CCDC102B: variants seen among roughly 807,000 people sequenced by gnomAD.
The protein encoded by CCDC102B is coiled-coil domain-containing protein 102B.
Under a neutral mutation model 57.4 loss-of-function variants are expected in CCDC102B, and 75 were observed. That is an observed-to-expected ratio of 1.31 (90% CI 1.08 to 1.58). The LOEUF is 1.58. Ranked by LOEUF, CCDC102B falls within the 40% of genes most tolerant of loss-of-function variation. The probability of loss-of-function intolerance (pLI) is 0.00; values close to 1 mark genes in which losing one functional copy is unlikely to be tolerated. For synonymous variants in CCDC102B, 206 were observed against 201.9 expected, an observed-to-expected ratio of 1.02 and a Z score of -0.17; for missense variants, 636 against 582.6, an observed-to-expected ratio of 1.09 and a Z score of -0.94.
intron 6 of CCDC102B, among the ~76,000 whole-genome samples, chr18:68,955,804 A>T (rs2049828910): frequency 6.6e-6 from 1 of 151,910 alleles, no homozygotes; most frequent in Non-Finnish European, 1.5e-5. Context: ...AGATGTATTA[A>T]ATTATGGGGT....
At chr18:69,034,825 A>T (rs1599878003) in intron 7 of CCDC102B, among the ~76,000 whole-genome samples, 1 of 151,772 alleles carries the variant, frequency 6.6e-6, no homozygotes, top group Non-Finnish European at 1.5e-5. Flanking sequence ...TTACATATAC[A>T]TGGGAAATAA....
chr18:68,955,590 A>G (rs2145207685), intron 6 of CCDC102B, among the ~76,000 whole-genome samples: 1 of 152,162 alleles, frequency 6.6e-6, no homozygotes, highest in Non-Finnish European at 1.5e-5. Flanking sequence ...TTCTGTTTAC[A>G]GAATTCAGAA....
chr18:68,794,923 T>A (rs2035578903), upstream of CCDC102B, among the ~76,000 whole-genome samples: 1 of 151,724 alleles, frequency 6.6e-6, no homozygotes. Context: ...GGTTGTGGCC[T>A]GTGTGGGGCA....
At chr18:68,883,305 G>A (rs1051004515) in intron 5 of CCDC102B, among the ~76,000 whole-genome samples, 1 of 152,046 alleles carries the variant, frequency 6.6e-6, no homozygotes, top group African/African-American at 2.4e-5. Flanking sequence ...CAGCTGCTCA[G>A]GAGGCTGAGG....
chr18:68,948,577 A>T lies in CCDC102B; in HGVS notation c.1263+51149A>T, dbSNP rs1599736131. On this transcript the variant is annotated intron_variant, in intron 6 of 7. Coordinates refer to ENST00000360242, the MANE Select transcript of CCDC102B (RefSeq NM_024781.3). ...CACTAAAAGCCTCAAATGGGTCCAC[A>T]TATTGCCTGGAAGACCAATGATGGA... is the stretch of plus-strand genomic sequence containing the variant. Among the ~76,000 whole-genome samples the T allele has an allele frequency of 1.3e-5, 2 of 152,088 alleles. 1 individual carries two copies. The highest frequency in any genetic ancestry group is 4.1e-4 in the South Asian group (2 of 4,830).
intron 2 of CCDC102B, among the ~76,000 whole-genome samples, chr18:68,748,314 C>A (rs1336408157): frequency 6.6e-6 from 1 of 150,960 alleles, no homozygotes; most frequent in Non-Finnish European, 1.5e-5. Context: ...CCTTGTCTGA[C>A]TGCCTGAACT....
chr18:68,753,926 A>T (rs1409023762), intron 2 of CCDC102B: 1 of 152,048 alleles, frequency 6.6e-6, no homozygotes, highest in African/African-American at 2.4e-5. Context: ...ACATGGAGTG[A>T]CTTTTTTTCA....
intron 6 of CCDC102B, among the ~76,000 whole-genome samples, chr18:68,942,485 C>T (rs2049406146): frequency 1.3e-5 from 2 of 151,880 alleles, no homozygotes; most frequent in South Asian, 4.1e-4. Context: ...GGGAATGTGG[C>T]AGGACAATAG....
Position 68,790,064 on chromosome 18 carries a change from T to C in CCDC102B, c.-66-33302T>C, listed in dbSNP as rs541178187. 1.5e-3 allele frequency among the ~76,000 whole-genome samples: 217 copies of C among 148,116 alleles called. 14 individuals are homozygous for C. Among genetic ancestry groups the C allele is most frequent in the African/African-American group, 4.6e-3 (176 of 38,502 alleles). ...CCTTCTAACAGACAGGACCCTCAGC[T>C]GCAGGTCTGTTGGAATACCCTGCCA... On this transcript the variant is annotated intron_variant, in intron 2 of 3. Coordinates refer to the CCDC102B transcript ENST00000578970.
chr18:68,851,690 A>G (rs529341663), intron 4 of CCDC102B, among the ~76,000 whole-genome samples: 1 of 152,322 alleles, frequency 6.6e-6, no homozygotes, highest in South Asian at 2.1e-4. Context: ...GTTAAGCAAC[A>G]TCATTTTAAA....
intron 1 of CCDC102B, among the ~76,000 whole-genome samples, chr18:68,814,036 T>C (rs2169697): frequency 0.67 from 101,263 of 151,858 alleles, 34,141 homozygotes; most frequent in East Asian, 1. Flanking sequence ...GAAAGGATAG[T>C]GGTGCCTTTT....
At chr18:68,759,272 A>G (rs2034170524) in intron 2 of CCDC102B, among the ~76,000 whole-genome samples, 1 of 152,128 alleles carries the variant, frequency 6.6e-6, no homozygotes, top group East Asian at 1.9e-4. Context: ...TAATTGAGAT[A>G]AGATAAAGAA....
chr18:68,866,902 C>T lies in CCDC102B; in HGVS notation c.937-7767C>T, dbSNP rs538993669. The T allele has an allele frequency of 7.3e-5, 44 of 606,278 alleles. 1 individual carries two copies. Among genetic ancestry groups the T allele is most frequent in the South Asian group, 6.8e-4 (44 of 64,448 alleles). The allele number at this position is 606,278 out of a possible 1,614,324, so 37.6% of individuals were successfully genotyped here. On this transcript the variant is annotated intron_variant, in intron 4 of 7. Coordinates refer to ENST00000360242, the MANE Select transcript of CCDC102B (RefSeq NM_024781.3). ...TCCTCTTCCCTCTCATGTATCACAC[C>T]TGGAGTGGGATCTCACCCTTGATGT...
At chr18:69,035,716 AAT>A (rs1352748110) in intron 7 of CCDC102B, among the ~76,000 whole-genome samples, 3 of 152,082 alleles carry the variant, frequency 2.0e-5, no homozygotes, top group Non-Finnish European at 4.4e-5. Context: ...TACAGTCCTT[AAT>A]AAAGTGGACC....
intron 1 of CCDC102B, among the ~76,000 whole-genome samples, chr18:68,813,500 G>C: frequency 6.6e-6 from 1 of 151,840 alleles, no homozygotes. Context: ...GGGGAGGCCA[G>C]GAAAGAGGAG....
chr18:68,923,725 C>T (rs2041370952), intron 6 of CCDC102B, among the ~76,000 whole-genome samples: 1 of 152,060 alleles, frequency 6.6e-6, no homozygotes. Flanking sequence ...ACCTTGGTAA[C>T]AGAATTGCAT....
chr18:68,979,379 C>G (rs1056969472), intron 6 of CCDC102B, among the ~76,000 whole-genome samples: 8 of 151,520 alleles, frequency 5.3e-5, no homozygotes, highest in Non-Finnish European at 1.2e-4. Flanking sequence ...AACTCCAGGA[C>G]AAAATAGAAA....
chr18:69,044,927 G>GT (rs1375816766), intron 7 of CCDC102B, among the ~76,000 whole-genome samples: 1 of 152,110 alleles, frequency 6.6e-6, no homozygotes, highest in African/African-American at 2.4e-5. Flanking sequence ...GAATCTCAAA[G>GT]TATCAGCCAG....
Position 68,837,056 on chromosome 18 carries a change from G to A in CCDC102B, c.293G>A (p.Cys98Tyr), listed in dbSNP as rs752443832. The change falls in exon 2 of 8, where the codon TGC becomes TAC. Residue 98 changes from cysteine to tyrosine, a missense_variant. Transcript: ENST00000360242. ...MEKTMRWWSD[C>Y]TANWREKWSK... Reference sequence around the variant, plus strand: ...AAGACCATGCGGTGGTGGTCGGACTGCACTGCCAACTGGAGAGAAAAATGG... The same window carrying A: ...AAGACCATGCGGTGGTGGTCGGACTACACTGCCAACTGGAGAGAAAAATGG... 1.6e-5 allele frequency: 26 copies of A among 1,614,012 alleles called. No homozygotes were observed. The Middle Eastern group carries it at 4.9e-4, about 31-fold the overall frequency.
Sources: allele counts gnomAD v4.1 joint callset (sites outside exome capture counted in the v4.1 genomes callset), GRCh38; gene constraint gnomAD v4.1.1; transcripts MANE v1.5; gene names NCBI Gene and HGNC (gene_info 2026-07-23, HGNC 2026-07-21).